Variants in KAT2B observed in about 807,000 individuals in gnomAD.
KAT2B encodes the protein histone acetyltransferase KAT2B.
In KAT2B, 36 loss-of-function variants were observed where a neutral mutation model predicts 105.9. The ratio of observed to expected loss-of-function variants is 0.34; its 90% CI spans 0.26 to 0.45. The LOEUF is 0.45. Ranked by LOEUF, KAT2B falls within the 20% of genes least tolerant of loss-of-function variation. The probability of loss-of-function intolerance (pLI) is 1.00; values close to 1 mark genes in which losing one functional copy is unlikely to be tolerated. For synonymous variants in KAT2B, 397 were observed against 377.9 expected, an observed-to-expected ratio of 1.05 and a Z score of -0.59; for missense variants, 820 against 1,021.6, an observed-to-expected ratio of 0.80 and a Z score of 2.69.
intron 13 of KAT2B, among the ~76,000 whole-genome samples, chr3:20,144,526 T>A (rs1699751753): frequency 6.6e-6 from 1 of 151,496 alleles, no homozygotes; most frequent in Admixed American, 6.6e-5. Context: ...CCTGACCTCG[T>A]GATCTGCCCA....
At chr3:20,146,192 C>G (rs1256094393) in intron 13 of KAT2B, 124 bp from the exon 14 acceptor site, 2 of 657,212 alleles carry the variant, frequency 3.0e-6, no homozygotes, top group Non-Finnish European at 5.4e-6. Context: ...GCATTCACCC[C>G]TTTCTCCCAT....
chr3:20,129,054 A>G (rs2125181763), intron 11 of KAT2B, among the ~76,000 whole-genome samples: 1 of 150,560 alleles, frequency 6.6e-6, no homozygotes, highest in African/African-American at 2.4e-5. Context: ...TAGGATTTTC[A>G]TGGGTGGACT....
chr3:20,109,067 C>G (rs1265786444), intron 5 of KAT2B, among the ~76,000 whole-genome samples: 1 of 152,154 alleles, frequency 6.6e-6, no homozygotes, highest in African/African-American at 2.4e-5. Flanking sequence ...TAGGTACACT[C>G]TCCAGTGTTT....
chr3:20,118,234 A>C (rs1262672252), intron 7 of KAT2B, among the ~76,000 whole-genome samples: 1 of 146,550 alleles, frequency 6.8e-6, no homozygotes, highest in African/African-American at 2.5e-5. Flanking sequence ...TAAATATGTA[A>C]ATATATTTAC....
chr3:20,068,253 C>T (rs4858752), intron 1 of KAT2B, among the ~76,000 whole-genome samples: 26,670 of 150,606 alleles, frequency 0.18, 3,070 homozygotes, highest in Non-Finnish European at 0.26. Flanking sequence ...GCCTCGGCCT[C>T]CCAAAGTGCT....
chr3:20,105,912 A>G (rs1338222680), intron 5 of KAT2B, among the ~76,000 whole-genome samples: 1 of 152,160 alleles, frequency 6.6e-6, no homozygotes, highest in East Asian at 1.9e-4. Context: ...TATGATGTAC[A>G]GCCTATTGCC....
intron 2 of KAT2B, among the ~76,000 whole-genome samples, chr3:20,081,075 A>C (rs534667067): frequency 1.3e-5 from 2 of 152,322 alleles, no homozygotes; most frequent in South Asian, 2.1e-4. Context: ...AGCCTTTTGC[A>C]CATTAGTCAA....
At chr3:20,105,994 T>C (rs1423500264) in intron 5 of KAT2B, among the ~76,000 whole-genome samples, 2 of 152,102 alleles carry the variant, frequency 1.3e-5, no homozygotes, top group Non-Finnish European at 2.9e-5. Context: ...GAAAGAACAC[T>C]AGGAAACAGG....
At chr3:20,113,809 GC>G (rs1267293542) in intron 6 of KAT2B, among the ~76,000 whole-genome samples, 1 of 152,002 alleles carries the variant, frequency 6.6e-6, no homozygotes, top group Non-Finnish European at 1.5e-5. Flanking sequence ...CATATGTGCT[GC>G]CTTTTTTTCC....
chr3:20,123,159 C>T (rs7647320), intron 9 of KAT2B, among the ~76,000 whole-genome samples: 124,548 of 152,190 alleles, frequency 0.82, 51,596 homozygotes, highest in East Asian at 0.97. Flanking sequence ...ACATTTGCTA[C>T]CTCTCTTTCT....
intron 10 of KAT2B, among the ~76,000 whole-genome samples, chr3:20,127,070 C>T (rs971383481): frequency 1.4e-4 from 21 of 152,188 alleles, no homozygotes; most frequent in Admixed American, 8.5e-4. Context: ...TTCAGAGACA[C>T]ATACCATGTT....
At chr3:20,051,531 G>C (rs1288548176) in intron 1 of KAT2B, among the ~76,000 whole-genome samples, 2 of 152,318 alleles carry the variant, frequency 1.3e-5, no homozygotes, top group East Asian at 3.9e-4. Context: ...TTCCTAAAAG[G>C]CTGGCAGAGC....
rs118005386 is a variant in KAT2B at position 20,049,844 on chromosome 3, C to A, written c.303+9064C>A. ...CTGTTGAAGAAAGATGAAAGAGACA[C>A]CTACTCAGGCTATAGAAGGTGCCAA... is the stretch of plus-strand genomic sequence containing the variant. On this transcript the variant is annotated intron_variant, in intron 1 of 17. Transcript: ENST00000263754. 3.3e-5 allele frequency among the ~76,000 whole-genome samples: 5 copies of A among 152,216 alleles called. No individual in the cohort carries two copies. The East Asian group carries it at 5.8e-4, about 18-fold the overall frequency.
At chr3:20,042,961 A>G (rs1575100135) in intron 1 of KAT2B, among the ~76,000 whole-genome samples, 1 of 151,588 alleles carries the variant, frequency 6.6e-6, no homozygotes, top group East Asian at 1.9e-4. Context: ...GTGCAGTGGC[A>G]TGATCGTAGC....
At chr3:20,069,403 G>T (rs1441393772) in intron 1 of KAT2B, among the ~76,000 whole-genome samples, 1 of 152,128 alleles carries the variant, frequency 6.6e-6, no homozygotes, top group Non-Finnish European at 1.5e-5. Flanking sequence ...GTCAAGAGTT[G>T]TCTCCAAGAT....
intron 17 of KAT2B, among the ~76,000 whole-genome samples, chr3:20,151,152 GAAGA>G (rs1025913976): frequency 2.6e-5 from 4 of 152,140 alleles, no homozygotes; most frequent in African/African-American, 9.6e-5. Flanking sequence ...CTGTTTTAGA[GAAGA>G]AAGAAAAGTT....
chr3:20,090,745 G>T (rs1173240921), intron 2 of KAT2B, among the ~76,000 whole-genome samples: 1 of 151,980 alleles, frequency 6.6e-6, no homozygotes, highest in East Asian at 1.9e-4. Flanking sequence ...TCAGTTTTTT[G>T]AAGTTTTTTT....
At chr3:20,083,801 A>T (rs1575123248) in intron 2 of KAT2B, among the ~76,000 whole-genome samples, 1 of 152,284 alleles carries the variant, frequency 6.6e-6, no homozygotes, top group Non-Finnish European at 1.5e-5. Flanking sequence ...ACACTAAAGG[A>T]ATGAATGATG....
At chr3:20,133,382 A>G (rs1699544693) in intron 11 of KAT2B, among the ~76,000 whole-genome samples, 1 of 152,058 alleles carries the variant, frequency 6.6e-6, no homozygotes, top group Non-Finnish European at 1.5e-5. Context: ...TAAAATGAAT[A>G]TTTACATCCT....
Sources: gnomAD v4.1 joint callset for allele counts (sites outside exome capture counted in the v4.1 genomes callset) on GRCh38, gnomAD v4.1.1 for gene constraint, MANE v1.5 for transcripts, NCBI Gene and HGNC (gene_info 2026-07-23, HGNC 2026-07-21) for gene names.